The following AXIN1 variants were observed in gnomAD, a reference collection of about 807,000 sequenced individuals.
The protein encoded by AXIN1 is axin 1, also known as axin-1.
Under a neutral mutation model 76.4 loss-of-function variants are expected in AXIN1, and 30 were observed. That is an observed-to-expected ratio of 0.39 (90% CI 0.29 to 0.53). The LOEUF (loss-of-function observed/expected upper bound fraction) is 0.53, where lower values mean the gene tolerates loss of function less well. Ranked by LOEUF, AXIN1 falls within the 20% of genes least tolerant of loss-of-function variation. The probability of loss-of-function intolerance (pLI) is 0.66; values close to 1 mark genes in which losing one functional copy is unlikely to be tolerated. For missense variants in AXIN1, 1,140 were observed against 1,198.8 expected, an observed-to-expected ratio of 0.95 and a Z score of 0.72; for synonymous variants, 545 against 501.4, an observed-to-expected ratio of 1.09 and a Z score of -1.16.
intron 8 of AXIN1, chr16:291,726 AG>A (rs1455557481): frequency 2.3e-5 from 7 of 307,248 alleles, no homozygotes; most frequent in Non-Finnish European, 4.5e-5. Context: ...AGGGAGGCTG[AG>A]GGCCCCCCGG....
intron 4 of AXIN1, among the ~76,000 whole-genome samples, chr16:306,142 C>T (rs1025745062): frequency 3.3e-5 from 5 of 152,056 alleles, no homozygotes; most frequent in African/African-American, 7.3e-5. Flanking sequence ...CCCACACATG[C>T]GCAGGCACAC....
At chr16:298,835 C>G (rs2052791023) in intron 5 of AXIN1, among the ~76,000 whole-genome samples, 1 of 152,160 alleles carries the variant, frequency 6.6e-6, no homozygotes, top group African/African-American at 2.4e-5. Context: ...ATGGTGCCAT[C>G]TCGGCTCCCT....
At chr16:320,203 C>T (rs1236201667) in intron 2 of AXIN1, among the ~76,000 whole-genome samples, 1 of 152,180 alleles carries the variant, frequency 6.6e-6, no homozygotes, top group Non-Finnish European at 1.5e-5. Flanking sequence ...CACACTACCA[C>T]TCCTGGCTAC....
At chr16:342,929 A>C (rs1002775423) in intron 2 of AXIN1, among the ~76,000 whole-genome samples, 1 of 152,216 alleles carries the variant, frequency 6.6e-6, no homozygotes, top group Non-Finnish European at 1.5e-5. Flanking sequence ...ACGACTTCCA[A>C]CCTAGTGCAC....
chr16:347,776 CGACCGAGG>C (rs2054062416), intron 1 of AXIN1, among the ~76,000 whole-genome samples: 1 of 152,192 alleles, frequency 6.6e-6, no homozygotes, highest in Non-Finnish European at 1.5e-5. Context: ...TCAGCCCCAT[CGACCGAGG>C]GATCAAGGAC....
At chr16:351,939 T>G (rs1417634946) in intron 1 of AXIN1, among the ~76,000 whole-genome samples, 2 of 151,876 alleles carry the variant, frequency 1.3e-5, no homozygotes, top group Non-Finnish European at 2.9e-5. Flanking sequence ...GAAAGACCAG[T>G]GTTTGGGCAG....
intron 6 of AXIN1, 31 bp from the exon 7 acceptor site, chr16:297,257 G>C (rs117820439): frequency 1.9e-6 from 3 of 1,600,736 alleles, no homozygotes; most frequent in Non-Finnish European, 2.5e-6. Flanking sequence ...AGTCGCCCTG[G>C]CCTCCGGTGG....
In AXIN1 at chr16:352,494, A is replaced by C. The variant is rs2141727608; in HGVS notation, c.-207T>G. ...GGGGGCGCGGCCCGGGGCGGCCCCC[A>C]TCTCGGCGGCTGCGGCTCGGCGGCC... On this transcript the variant is annotated 5_prime_UTR_variant, in exon 1 of 11. The change abolishes an upstream ATG in the 5' untranslated region. Coordinates refer to ENST00000262320, the MANE Select transcript of AXIN1 (RefSeq NM_003502.4). 3.4e-6 allele frequency: 3 copies of C among 874,476 alleles called. No individual in the cohort carries two copies. The highest frequency in any genetic ancestry group is 2.7e-6 in the Non-Finnish European group (2 of 732,950). The allele number at this position is 874,476 out of a possible 1,614,324, so 54.2% of individuals were successfully genotyped here.
At chr16:303,690 T>G (rs1597014537) in intron 5 of AXIN1, among the ~76,000 whole-genome samples, 1 of 152,144 alleles carries the variant, frequency 6.6e-6, no homozygotes, top group Non-Finnish European at 1.5e-5. Context: ...CCGTTTCCCT[T>G]TTTACCTTTT....
In AXIN1 at chr16:289,405, G is replaced by C. The variant is rs201492076; in HGVS notation, c.2462+35C>G. 2.9e-5 allele frequency: 47 copies of C among 1,611,884 alleles called. 2 individuals are homozygous for C. The Admixed American group carries it at 6.2e-4, about 21-fold the overall frequency. ...CATACCGTTGGGCACCCACATACTC[G>C]TGCGGGGAGGGGGCACCCCAGCCCT... On this transcript the variant is annotated intron_variant, in intron 10 of 10. Coordinates refer to ENST00000262320, the MANE Select transcript of AXIN1 (RefSeq NM_003502.4).
At chr16:309,895 CT>C in intron 4 of AXIN1, 77 bp downstream of exon 4, 1 of 1,461,138 alleles carries the variant, frequency 6.8e-7, no homozygotes, top group Non-Finnish European at 9.5e-7. Context: ...AGGCAAGTGC[CT>C]TTCCCGCGGA....
At chr16:311,833 G>A (rs767430372) in intron 3 of AXIN1, among the ~76,000 whole-genome samples, 3 of 152,170 alleles carry the variant, frequency 2.0e-5, no homozygotes, top group African/African-American at 4.8e-5. Context: ...CCAGGGATCC[G>A]TGCCGCACCC....
At chr16:352,322 C>T in intron 1 of AXIN1, 47 bp downstream of exon 1, 2 of 969,752 alleles carry the variant, frequency 2.1e-6, no homozygotes, top group South Asian at 4.7e-5. Context: ...GTCCCGCCCG[C>T]CCGGCCTACC....
At chr16:330,354 G>A (rs1382374738) in intron 2 of AXIN1, among the ~76,000 whole-genome samples, 1 of 152,152 alleles carries the variant, frequency 6.6e-6, no homozygotes, top group Non-Finnish European at 1.5e-5. Context: ...GTGAGCCACT[G>A]TGCCCGCTAC....
At chr16:296,478 G>A (rs963355316) in intron 7 of AXIN1, among the ~76,000 whole-genome samples, 5 of 152,230 alleles carry the variant, frequency 3.3e-5, no homozygotes, top group Non-Finnish European at 5.9e-5. Flanking sequence ...TTCCGGGCAC[G>A]AGTGCAGGCC....
intron 4 of AXIN1, among the ~76,000 whole-genome samples, chr16:305,205 C>T (rs913095320): frequency 6.6e-5 from 10 of 152,370 alleles, no homozygotes; most frequent in Admixed American, 2.6e-4. Flanking sequence ...TGGTGGCTCA[C>T]GCCTACAGTC....
intron 2 of AXIN1, among the ~76,000 whole-genome samples, chr16:322,586 C>G (rs2053482807): frequency 6.6e-6 from 1 of 152,206 alleles, no homozygotes; most frequent in African/African-American, 2.4e-5. Context: ...ACCTGGCTGT[C>G]CGCGAGGCAA....
chr16:346,880 C>G lies in AXIN1; in HGVS notation c.146G>C (p.Gly49Ala), dbSNP rs2141708332. The G allele has an allele frequency of 1.2e-6, 2 of 1,613,812 alleles. No homozygotes were observed. Among genetic ancestry groups the G allele is most frequent in the Non-Finnish European group, 8.5e-7 (1 of 1,179,670 alleles). ...CGAAGTCTCACCTTTAATGCCAACA[C>G]CTTTCCCGGAGCAGAAACTGTAGCT... ...PASYSFCSGK[G>A]VGIKGETSTA... is the part of the protein sequence containing the mutation. Residue 49 changes from glycine to alanine, a missense_variant, in exon 2 of 11, where the codon GGT (glycine) becomes GCT (alanine). Coordinates refer to ENST00000262320, the MANE Select transcript of AXIN1 (RefSeq NM_003502.4).
At chr16:341,178 C>G (rs535384237) in intron 2 of AXIN1, among the ~76,000 whole-genome samples, 1 of 152,280 alleles carries the variant, frequency 6.6e-6, no homozygotes, top group Non-Finnish European at 1.5e-5. Context: ...CTTGAGGAGC[C>G]CTTCAGCCCA....
Sources: gnomAD v4.1 joint callset for allele counts (sites outside exome capture counted in the v4.1 genomes callset) on GRCh38, gnomAD v4.1.1 for gene constraint, MANE v1.5 for transcripts, NCBI Gene and HGNC (gene_info 2026-07-23, HGNC 2026-07-21) for gene names.